FAM120AOS: variants seen among roughly 807,000 people sequenced by gnomAD.
FAM120AOS encodes the protein uncharacterized protein FAM120AOS.
A neutral mutation model predicts 20.2 loss-of-function variants in FAM120AOS; 15 were observed. That is an observed-to-expected ratio of 0.74 (90% CI 0.50 to 1.15). The LOEUF (loss-of-function observed/expected upper bound fraction) is 1.15. Ranked by LOEUF, FAM120AOS falls within the 50% of genes most tolerant of loss-of-function variation. FAM120AOS has a pLI of 0.00. For synonymous variants in FAM120AOS, 154 were observed against 154.0 expected, an observed-to-expected ratio of 1.00 and a Z score of 0.00; for missense variants, 327 against 351.9, an observed-to-expected ratio of 0.93 and a Z score of 0.57.
At chr9:93,451,295 G>T (rs972858795) in intron 1 of FAM120AOS, 7 of 1,465,116 alleles carry the variant, frequency 4.8e-6, no homozygotes, top group Non-Finnish European at 5.4e-6. Flanking sequence ...TCTTATCGCT[G>T]CTTCCCTCAG....
At chr9:93,450,351 G>T in intron 2 of FAM120AOS, 128 bp downstream of exon 2, 2 of 1,369,232 alleles carry the variant, frequency 1.5e-6, no homozygotes, top group Non-Finnish European at 2.0e-6. Context: ...TAGGTGAGTG[G>T]CATAACTTGT....
Sources: gnomAD v4.1 joint callset for allele counts on GRCh38, gnomAD v4.1.1 for gene constraint, MANE v1.5 for transcripts, NCBI Gene and HGNC (gene_info 2026-07-23, HGNC 2026-07-21) for gene names.